Variants in BID observed in about 807,000 individuals in gnomAD.
BID encodes the protein BH3-interacting domain death agonist.
A neutral mutation model predicts 17.4 loss-of-function variants in BID; 19 were observed. The observed-to-expected ratio is 1.09, with a 90% CI of 0.76 to 1.60. BID has a LOEUF of 1.60. Ranked by LOEUF, BID falls within the 40% of genes most tolerant of loss-of-function variation. The probability of loss-of-function intolerance (pLI) is 0.00; values close to 1 mark genes in which losing one functional copy is unlikely to be tolerated. For missense variants in BID, 226 were observed against 256.0 expected, an observed-to-expected ratio of 0.88 and a Z score of 0.80; for synonymous variants, 108 against 102.8, an observed-to-expected ratio of 1.05 and a Z score of -0.31.
intron 1 of BID, among the ~76,000 whole-genome samples, chr22:17,755,213 T>C (rs2061573524): frequency 6.6e-6 from 1 of 150,748 alleles, no homozygotes; most frequent in Admixed American, 6.7e-5. Flanking sequence ...GCCTCCCGAG[T>C]AGATGGGACT....
intron 1 of BID, among the ~76,000 whole-genome samples, chr22:17,767,846 G>C (rs2061689848): frequency 6.6e-6 from 1 of 152,204 alleles, no homozygotes; most frequent in Non-Finnish European, 1.5e-5. Context: ...AGCACTGTGG[G>C]AGGCCAAGGC....
rs140633577 is a variant in BID at position 17,754,847 on chromosome 22, C to G, written c.-58-4673G>C. Among the ~76,000 whole-genome samples, 364 of 152,260 alleles carry G rather than the reference C, an allele frequency of 2.4e-3. 1 individual carries two copies. Among genetic ancestry groups the G allele is most frequent in the African/African-American group, 8.3e-3 (343 of 41,540 alleles). On this transcript the variant is annotated intron_variant, in intron 1 of 5. Transcript: ENST00000622694. ...TGGCATGGTCTTGGCTCACTGCAAC[C>G]TCCGCCTCCCAGATTCTAGCGATTC...
At chr22:17,756,539 CTTCCTTCCTTCTTTCT>C (rs2061592367) in intron 1 of BID, among the ~76,000 whole-genome samples, 1 of 143,188 alleles carries the variant, frequency 7.0e-6, no homozygotes, top group South Asian at 2.2e-4. Context: ...TCCTTCTTTC[CTTCCTTCCTTCTTTCT>C]TTCCTTCCTT....
intron 4 of BID, among the ~76,000 whole-genome samples, chr22:17,738,820 CCT>C (rs2061437943): frequency 6.6e-6 from 1 of 152,190 alleles, no homozygotes; most frequent in African/African-American, 2.4e-5. Context: ...AACTTTCTCT[CCT>C]CTCAGCTCCT....
chr22:17,745,243 G>T (rs190042020), intron 2 of BID, among the ~76,000 whole-genome samples: 10 of 152,088 alleles, frequency 6.6e-5, no homozygotes, highest in Admixed American at 3.9e-4. Context: ...TAGAGACGAG[G>T]TTTCACCATG....
chr22:17,741,600 G>A (rs540379199), intron 3 of BID, among the ~76,000 whole-genome samples: 93 of 151,684 alleles, frequency 6.1e-4, no homozygotes, highest in Admixed American at 2.7e-3. Flanking sequence ...AGCCTCCCAA[G>A]TAGCTGGGAT....
chr22:17,753,667 T>C (rs1569045737), intron 1 of BID, among the ~76,000 whole-genome samples: 1 of 152,222 alleles, frequency 6.6e-6, no homozygotes, highest in Non-Finnish European at 1.5e-5. Flanking sequence ...CCTACGCCCA[T>C]CCCAACTCCT....
At chr22:17,766,006 A>G (rs532711331) in intron 1 of BID, among the ~76,000 whole-genome samples, 302 of 152,296 alleles carry the variant, frequency 2.0e-3, no homozygotes, top group African/African-American at 6.9e-3. Flanking sequence ...ACAGCTCACT[A>G]CAGCCTCAAC....
At chr22:17,760,975 C>T (rs190044917) in intron 1 of BID, among the ~76,000 whole-genome samples, 17 of 152,346 alleles carry the variant, frequency 1.1e-4, no homozygotes, top group Admixed American at 3.3e-4. Flanking sequence ...AAGCCCAGAA[C>T]TTCTGAATTA....
intron 1 of BID, among the ~76,000 whole-genome samples, chr22:17,765,441 T>C (rs1000025988): frequency 6.6e-6 from 1 of 152,202 alleles, no homozygotes; most frequent in African/African-American, 2.4e-5. Flanking sequence ...TATGTCGATA[T>C]CCAAAGAATA....
intron 1 of BID, among the ~76,000 whole-genome samples, chr22:17,754,442 G>A (rs982502871): frequency 2.0e-5 from 3 of 152,372 alleles, no homozygotes; most frequent in South Asian, 2.1e-4. Context: ...GGGCAGCTTC[G>A]CTGCTGCTGA....
intron 1 of BID, among the ~76,000 whole-genome samples, chr22:17,754,883 G>C (rs1328506000): frequency 6.6e-6 from 1 of 151,856 alleles, no homozygotes; most frequent in Non-Finnish European, 1.5e-5. Flanking sequence ...TCCTGCCTTA[G>C]CCTCCTGAGT....
intron 3 of BID, chr22:17,739,899 T>C (rs181392): frequency 0.69 from 469,849 of 682,796 alleles, 163,923 homozygotes; most frequent in East Asian, 0.95. Flanking sequence ...CCAGACCCAC[T>C]TTTGCCCTCT....
At chr22:17,737,635 C>T (rs976527676) in intron 5 of BID, among the ~76,000 whole-genome samples, 1 of 152,212 alleles carries the variant, frequency 6.6e-6, no homozygotes, top group Non-Finnish European at 1.5e-5. Context: ...CATGAGCCAC[C>T]GCACTGGCCA....
chr22:17,768,961 G>A (rs1396239789), intron 1 of BID, among the ~76,000 whole-genome samples: 1 of 150,916 alleles, frequency 6.6e-6, no homozygotes, highest in East Asian at 1.9e-4. Flanking sequence ...AGAATGGCGT[G>A]AACCTGGGAG....
chr22:17,762,891 T>G (rs75821557), intron 1 of BID, among the ~76,000 whole-genome samples: 1 of 124,420 alleles, frequency 8.0e-6, no homozygotes, highest in East Asian at 2.6e-4. Context: ...TTGTTTGTTT[T>G]TTTAAGACGG....
At chr22:17,766,556 C>T (rs2061680037) in intron 1 of BID, among the ~76,000 whole-genome samples, 1 of 152,020 alleles carries the variant, frequency 6.6e-6, no homozygotes, top group African/African-American at 2.4e-5. Context: ...GCTGGGATTA[C>T]AGGCGTGAGC....
At chr22:17,736,768 T>G (rs1186046404) in intron 5 of BID, among the ~76,000 whole-genome samples, 1 of 151,532 alleles carries the variant, frequency 6.6e-6, no homozygotes, top group Non-Finnish European at 1.5e-5. Context: ...TCAACCTCCA[T>G]GACGGCGTGA....
chr22:17,748,027 G>A (rs1438259321), intron 2 of BID, among the ~76,000 whole-genome samples: 2 of 151,432 alleles, frequency 1.3e-5, no homozygotes, highest in Admixed American at 6.6e-5. Flanking sequence ...TGGCTAACAC[G>A]GTGAAACCCC....
Sources: allele counts gnomAD v4.1 joint callset (sites outside exome capture counted in the v4.1 genomes callset), GRCh38; gene constraint gnomAD v4.1.1; transcripts MANE v1.5; gene names NCBI Gene and HGNC (gene_info 2026-07-23, HGNC 2026-07-21).